SH3BGRL2: variants seen among roughly 807,000 people sequenced by gnomAD.
SH3BGRL2 encodes SH3 domain binding glutamate rich protein like 2.
In SH3BGRL2, 21 loss-of-function variants were observed where a neutral mutation model predicts 14.8. That is an observed-to-expected ratio of 1.42 (90% CI 1.01 to 2.05). The LOEUF (loss-of-function observed/expected upper bound fraction) is 2.05, where lower values mean the gene tolerates loss of function less well. Among genes scored for constraint, SH3BGRL2 ranks in the 30% most tolerant of loss-of-function variants. SH3BGRL2 has a pLI of 0.00. For missense variants in SH3BGRL2, 147 were observed against 130.8 expected (o/e 1.12, Z -0.61); for synonymous variants, 50 against 47.8 (o/e 1.05, Z -0.19).
chr6:79,690,382 C>T (rs1410010094), intron 2 of SH3BGRL2, among the ~76,000 whole-genome samples: 3 of 152,122 alleles, frequency 2.0e-5, no homozygotes, highest in Admixed American at 1.3e-4. Flanking sequence ...TACTAGCCCT[C>T]AATTTTTCTC....
At chr6:79,578,840 T>C in the SH3BGRL2 span, among the ~76,000 whole-genome samples, 1 of 152,102 alleles carries the variant, frequency 6.6e-6, no homozygotes, top group Non-Finnish European at 1.5e-5. Flanking sequence ...AATTCAGTAA[T>C]AACAAACTTC....
the SH3BGRL2 span, among the ~76,000 whole-genome samples, chr6:79,538,322 T>A: frequency 6.6e-6 from 1 of 152,264 alleles, no homozygotes; most frequent in East Asian, 1.9e-4. Flanking sequence ...ATGAATCTTC[T>A]AACCATGAAG....
At chr6:79,560,155 A>G in the SH3BGRL2 span, among the ~76,000 whole-genome samples, 1 of 152,214 alleles carries the variant, frequency 6.6e-6, no homozygotes, top group Admixed American at 6.5e-5. Context: ...AAACCTAATA[A>G]TAAGAAGTAA....
chr6:79,600,180 A>G, the SH3BGRL2 span, among the ~76,000 whole-genome samples: 31,850 of 152,208 alleles, frequency 0.21, 3,537 homozygotes, highest in African/African-American at 0.23. Context: ...GTTTCTTTGC[A>G]GTCAGCTCCT....
intron 1 of SH3BGRL2, among the ~76,000 whole-genome samples, chr6:79,650,081 A>G (rs891287246): frequency 4.0e-5 from 6 of 151,728 alleles, no homozygotes; most frequent in African/African-American, 1.4e-4. Flanking sequence ...GGAATGGAGA[A>G]TTATATGGCT....
chr6:79,595,179 G>C, the SH3BGRL2 span, among the ~76,000 whole-genome samples: 1 of 152,138 alleles, frequency 6.6e-6, no homozygotes, highest in Admixed American at 6.6e-5. Context: ...CCAGCTACTC[G>C]GGAGGCTGAG....
At chr6:79,560,627 A>C in the SH3BGRL2 span, among the ~76,000 whole-genome samples, 62 of 152,256 alleles carry the variant, frequency 4.1e-4, no homozygotes, top group Middle Eastern at 3.4e-3. Flanking sequence ...CAGACATAAA[A>C]ATTTAATTTA....
chr6:79,651,720 C>T lies in SH3BGRL2; in HGVS notation c.45+20214C>T, dbSNP rs1236569013. 2.0e-5 allele frequency among the ~76,000 whole-genome samples: 3 copies of T among 152,164 alleles called. No homozygotes were observed. The East Asian group carries it at 5.8e-4, about 29-fold the overall frequency. ...ATCCTCCAGAGAGGTTGATGGTTGT[C>T]AGGGAAAGAGGCACAGACACATGCA... On this transcript the variant is annotated intron_variant, in intron 1 of 3. Transcript: ENST00000369838.
At chr6:79,570,316 G>A in the SH3BGRL2 span, among the ~76,000 whole-genome samples, 3 of 152,124 alleles carry the variant, frequency 2.0e-5, no homozygotes, top group Non-Finnish European at 2.9e-5. Flanking sequence ...ATGGTTGCAC[G>A]GTGACTAAGC....
chr6:79,676,601 A>ATGTGTG (rs1470702025), intron 2 of SH3BGRL2, among the ~76,000 whole-genome samples: 532 of 114,394 alleles, frequency 4.7e-3, no homozygotes, highest in Non-Finnish European at 7.1e-3. Context: ...TTATGTCTTT[A>ATGTGTG]TGTATGTGTG....
At chr6:79,541,412 G>A in the SH3BGRL2 span, among the ~76,000 whole-genome samples, 2 of 152,108 alleles carry the variant, frequency 1.3e-5, no homozygotes, top group Admixed American at 1.3e-4. Flanking sequence ...CTCCACGTAT[G>A]GTTGGATCCA....
chr6:79,662,335 G>C (rs1233474978), intron 1 of SH3BGRL2, among the ~76,000 whole-genome samples: 3 of 152,190 alleles, frequency 2.0e-5, no homozygotes, highest in African/African-American at 7.2e-5. Flanking sequence ...TTGTAAGGCG[G>C]ACCTGGTGGT....
At chr6:79,621,330 G>T in the SH3BGRL2 span, among the ~76,000 whole-genome samples, 1 of 152,122 alleles carries the variant, frequency 6.6e-6, no homozygotes, top group Non-Finnish European at 1.5e-5. Context: ...TAGATTATTA[G>T]GTCATGAAGG....
chr6:79,660,613 G>A (rs188903840), intron 1 of SH3BGRL2, among the ~76,000 whole-genome samples: 1 of 152,120 alleles, frequency 6.6e-6, no homozygotes. Flanking sequence ...TTTTGGTTGT[G>A]TCTCTGCTAG....
the SH3BGRL2 span, among the ~76,000 whole-genome samples, chr6:79,584,607 C>T: frequency 2.1e-4 from 32 of 151,898 alleles, no homozygotes; most frequent in East Asian, 6.2e-3. Context: ...GTCCCAAGGC[C>T]CATGTTCTAG....
the SH3BGRL2 span, among the ~76,000 whole-genome samples, chr6:79,613,051 G>A: frequency 1.3e-5 from 2 of 152,186 alleles, no homozygotes; most frequent in Non-Finnish European, 2.9e-5. Flanking sequence ...GTTGTCCACT[G>A]TGGAATGCCA....
chr6:79,657,896 G>T (rs1411319575), intron 1 of SH3BGRL2, among the ~76,000 whole-genome samples: 1 of 152,176 alleles, frequency 6.6e-6, no homozygotes, highest in Admixed American at 6.5e-5. Flanking sequence ...TCTGGAATGT[G>T]AAGGGAATTG....
chr6:79,548,887 T>C, the SH3BGRL2 span, among the ~76,000 whole-genome samples: 1 of 151,890 alleles, frequency 6.6e-6, no homozygotes, highest in Non-Finnish European at 1.5e-5. Context: ...AATGAGGGGG[T>C]TTCAGTTCCC....
intron 1 of SH3BGRL2, among the ~76,000 whole-genome samples, chr6:79,637,773 G>T (rs1768955539): frequency 6.6e-6 from 1 of 152,036 alleles, no homozygotes; most frequent in Non-Finnish European, 1.5e-5. Context: ...GTCTTTGAGT[G>T]CAGAGATTGG....
Sources: allele counts gnomAD v4.1 joint callset (sites outside exome capture counted in the v4.1 genomes callset), GRCh38; gene constraint gnomAD v4.1.1; transcripts MANE v1.5; gene names NCBI Gene and HGNC (gene_info 2026-07-23, HGNC 2026-07-21).